Variants in KCNQ5 observed in about 807,000 individuals in gnomAD.
KCNQ5 encodes potassium voltage-gated channel subfamily Q member 5.
Under a neutral mutation model 98.2 loss-of-function variants are expected in KCNQ5, and 30 were observed. That is an observed-to-expected ratio of 0.31 (90% CI 0.23 to 0.41). The LOEUF (loss-of-function observed/expected upper bound fraction) is 0.41. Among genes scored for constraint, KCNQ5 ranks in the 10% least tolerant of loss-of-function variants. The pLI is 1.00. For missense variants in KCNQ5, 835 were observed against 1,182.5 expected (o/e 0.71, Z 4.31); for synonymous variants, 458 against 449.4 (o/e 1.02, Z -0.24).
chr6:72,795,096 C>G (rs1243952375), intron 1 of KCNQ5, among the ~76,000 whole-genome samples: 6 of 152,148 alleles, frequency 3.9e-5, no homozygotes, highest in Admixed American at 6.6e-5. Flanking sequence ...TGTTGGTGGA[C>G]AGAAGCATAA....
Position 72,919,899 on chromosome 6 carries a change from T to C in KCNQ5, c.399-84009T>C, listed in dbSNP as rs1250060925. ...ACTTAGAGTTTGTCTGTTTGTCTGT[T>C]GCTTGGAGCCAAGAGCCTAAGCCCA... On this transcript the variant is annotated intron_variant, in intron 1 of 13. Coordinates refer to ENST00000370398, the MANE Select transcript of KCNQ5 (RefSeq NM_019842.4). 3.9e-5 allele frequency among the ~76,000 whole-genome samples: 6 copies of C among 152,174 alleles called. No individual in the cohort carries two copies. The East Asian group carries it at 1.2e-3, about 29-fold the overall frequency.
At chr6:72,966,787 C>T (rs56231734) in intron 1 of KCNQ5, among the ~76,000 whole-genome samples, 1 of 152,122 alleles carries the variant, frequency 6.6e-6, no homozygotes, top group Non-Finnish European at 1.5e-5. Flanking sequence ...GAATTTACTC[C>T]ATACAGACTG....
chr6:72,869,524 A>T lies in KCNQ5; in HGVS notation c.399-134384A>T, dbSNP rs559530946. Reference sequence around the variant, plus strand: ...TCCATTTTCTCATTTACTTTGGTTAAATACATGAGTGTCTTTTCCCCTGTA... The same window carrying T: ...TCCATTTTCTCATTTACTTTGGTTATATACATGAGTGTCTTTTCCCCTGTA... On this transcript the variant is annotated intron_variant, in intron 1 of 13. Transcript: ENST00000370398. Among the ~76,000 whole-genome samples, 21 of 152,314 alleles carry T rather than the reference A, an allele frequency of 1.4e-4. No homozygotes were observed. In the South Asian group the frequency reaches 4.1e-3, roughly 30 times the overall value.
chr6:72,714,072 C>T (rs1489599168), intron 1 of KCNQ5, among the ~76,000 whole-genome samples: 1 of 152,186 alleles, frequency 6.6e-6, no homozygotes, highest in Non-Finnish European at 1.5e-5. Context: ...TGTGTCCTTA[C>T]CCATTACACA....
At chr6:72,816,824 GAGA>G (rs750142901) in intron 1 of KCNQ5, among the ~76,000 whole-genome samples, 2 of 152,066 alleles carry the variant, frequency 1.3e-5, no homozygotes, top group Non-Finnish European at 2.9e-5. Flanking sequence ...AGTAATATCA[GAGA>G]AGTAGACTGA....
intron 1 of KCNQ5, among the ~76,000 whole-genome samples, chr6:72,952,598 C>A (rs544267695): frequency 2.0e-5 from 3 of 152,164 alleles, no homozygotes; most frequent in Non-Finnish European, 4.4e-5. Context: ...GCCTTTTACA[C>A]CAATGCTAAA....
At chr6:72,896,893 G>A (rs1779271603) in intron 1 of KCNQ5, among the ~76,000 whole-genome samples, 1 of 152,034 alleles carries the variant, frequency 6.6e-6, no homozygotes, top group African/African-American at 2.4e-5. Context: ...GGTCTCCTTT[G>A]GTGTTCTCTT....
chr6:72,961,001 G>C (rs951097896), intron 1 of KCNQ5, among the ~76,000 whole-genome samples: 37 of 152,180 alleles, frequency 2.4e-4, no homozygotes, highest in African/African-American at 8.7e-4. Flanking sequence ...GCCAGGGATG[G>C]CGGGCTTGTG....
intron 3 of KCNQ5, chr6:73,055,092 C>A (rs1453087854): frequency 2.8e-6 from 2 of 718,320 alleles, no homozygotes; most frequent in Admixed American, 1.8e-5. Context: ...CCCAAGCCTG[C>A]CACCATGGCC....
At chr6:72,791,406 T>C (rs1372049213) in intron 1 of KCNQ5, among the ~76,000 whole-genome samples, 1 of 152,120 alleles carries the variant, frequency 6.6e-6, no homozygotes, top group East Asian at 1.9e-4. Context: ...TAACTCCCTT[T>C]TCTCCTACCC....
chr6:72,762,703 A>G (rs181842992), intron 1 of KCNQ5, among the ~76,000 whole-genome samples: 5 of 152,216 alleles, frequency 3.3e-5, no homozygotes, highest in African/African-American at 1.2e-4. Flanking sequence ...AGATGAGAAG[A>G]GGATGATAGT....
chr6:72,777,671 C>A (rs9442848), intron 1 of KCNQ5, among the ~76,000 whole-genome samples: 4,164 of 152,280 alleles, frequency 0.027, 196 homozygotes, highest in African/African-American at 0.094. Context: ...CCTTCTTGCC[C>A]TACACACATA....
chr6:73,053,509 G>T (rs866363332), intron 3 of KCNQ5, among the ~76,000 whole-genome samples: 1 of 151,724 alleles, frequency 6.6e-6, no homozygotes, highest in Non-Finnish European at 1.5e-5. Flanking sequence ...ACAATCCTTA[G>T]CAAATAAAAA....
At chr6:72,836,030 A>G (rs925912252) in intron 1 of KCNQ5, among the ~76,000 whole-genome samples, 3 of 152,152 alleles carry the variant, frequency 2.0e-5, no homozygotes, top group Non-Finnish European at 4.4e-5. Flanking sequence ...GTTTTGTTTT[A>G]TTGAGACCCA....
intron 1 of KCNQ5, among the ~76,000 whole-genome samples, chr6:72,882,137 G>T (rs1164035089): frequency 6.6e-6 from 1 of 152,136 alleles, no homozygotes; most frequent in Non-Finnish European, 1.5e-5. Flanking sequence ...CCATGCACTT[G>T]ATTTTTTAAA....
chr6:73,050,981 T>C (rs1353670241), intron 3 of KCNQ5, among the ~76,000 whole-genome samples: 1 of 152,242 alleles, frequency 6.6e-6, no homozygotes, highest in Non-Finnish European at 1.5e-5. Context: ...ATTTACCTAA[T>C]CAAGGTCATT....
At chr6:73,179,234 G>A (rs1408278511) in intron 11 of KCNQ5, among the ~76,000 whole-genome samples, 1 of 152,078 alleles carries the variant, frequency 6.6e-6, no homozygotes, top group African/African-American at 2.4e-5. Context: ...GAGGCTGGGA[G>A]GTCCAAGGTG....
intron 5 of KCNQ5, among the ~76,000 whole-genome samples, chr6:73,098,953 A>G (rs1248608485): frequency 6.6e-6 from 1 of 152,188 alleles, no homozygotes; most frequent in Non-Finnish European, 1.5e-5. Context: ...CAAGATATAC[A>G]CAGCATAATA....
chr6:72,942,616 A>G (rs1766361581), intron 1 of KCNQ5, among the ~76,000 whole-genome samples: 1 of 152,216 alleles, frequency 6.6e-6, no homozygotes, highest in African/African-American at 2.4e-5. Flanking sequence ...AAATTTGAAT[A>G]CAGAAGTGAA....
Sources: allele counts gnomAD v4.1 joint callset (sites outside exome capture counted in the v4.1 genomes callset), GRCh38; gene constraint gnomAD v4.1.1; transcripts MANE v1.5; gene names NCBI Gene and HGNC (gene_info 2026-07-23, HGNC 2026-07-21).